SYT2: variants seen among roughly 807,000 people sequenced by gnomAD.
The protein encoded by SYT2 is synaptotagmin-2.
A neutral mutation model predicts 39.9 loss-of-function variants in SYT2; 15 were observed. That is an observed-to-expected ratio of 0.38 (90% confidence interval 0.25 to 0.58). SYT2 has a LOEUF of 0.58. SYT2 is among the 20% of genes least tolerant of loss of function. The pLI is 0.70. For missense variants in SYT2, 389 were observed against 530.3 expected (o/e 0.73, Z 2.62); for synonymous variants, 181 against 204.5 (o/e 0.89, Z 0.98).
chr1:202,663,419 A>G (rs1008217602), intron 1 of SYT2, among the ~76,000 whole-genome samples: 7 of 152,172 alleles, frequency 4.6e-5, no homozygotes, highest in South Asian at 2.1e-4. Flanking sequence ...TACTTCCCCA[A>G]GAAAACTCCA....
chr1:202,621,609 C>G (rs1011690726), intron 1 of SYT2, among the ~76,000 whole-genome samples: 2 of 152,100 alleles, frequency 1.3e-5, no homozygotes, highest in Non-Finnish European at 2.9e-5. Context: ...GCCACTGCGC[C>G]CAGCCAAAAG....
intron 1 of SYT2, among the ~76,000 whole-genome samples, chr1:202,667,904 G>C (rs935174716): frequency 1.3e-4 from 20 of 152,056 alleles, no homozygotes; most frequent in Non-Finnish European, 2.6e-4. Flanking sequence ...GTAGAGACAA[G>C]GTTTCGCCAT....
At chr1:202,659,272 C>A (rs573390376) in intron 1 of SYT2, among the ~76,000 whole-genome samples, 2 of 152,258 alleles carry the variant, frequency 1.3e-5, no homozygotes, top group Non-Finnish European at 2.9e-5. Flanking sequence ...TTTAAGGGAA[C>A]TTTTTAGTCC....
At chr1:202,699,754 T>C (rs1654065464) in intron 1 of SYT2, among the ~76,000 whole-genome samples, 1 of 152,090 alleles carries the variant, frequency 6.6e-6, no homozygotes, top group Non-Finnish European at 1.5e-5. Context: ...GGAGCTTTTT[T>C]ATCCAGTGTA....
At chr1:202,606,129 G>A (rs991091920) in intron 1 of SYT2, among the ~76,000 whole-genome samples, 4 of 152,048 alleles carry the variant, frequency 2.6e-5, no homozygotes, top group African/African-American at 9.7e-5. Context: ...ACATATATGT[G>A]CCAAGCACTG....
intron 1 of SYT2, among the ~76,000 whole-genome samples, chr1:202,629,686 C>A (rs886743243): frequency 6.6e-5 from 10 of 152,146 alleles, no homozygotes; most frequent in Admixed American, 3.3e-4. Context: ...CTGGGCAGCA[C>A]AGTGAAACCC....
chr1:202,658,879 G>A (rs1260266278), intron 1 of SYT2, among the ~76,000 whole-genome samples: 1 of 152,080 alleles, frequency 6.6e-6, no homozygotes, highest in African/African-American at 2.4e-5. Context: ...GGAGTATGAA[G>A]TGGCCGATTT....
In SYT2 at chr1:202,596,424, G is replaced by T; in HGVS notation, c.*333C>A. The T allele has an allele frequency of 8.1e-6, 2 of 248,430 alleles. No homozygotes were observed. The highest frequency in any genetic ancestry group is 2.3e-5 in the African/African-American group (1 of 44,030). 15.4% of individuals were successfully genotyped at this position (248,430 alleles called of 1,614,324 possible). A position where few individuals can be genotyped will look rare whatever the true frequency, so the allele number is the denominator to read the frequency against. The stretch of plus-strand genomic sequence containing the variant: ...CCAGAAGGCTCAAAAAACAGGAACT[G>T]CTGCAAGTTTGTGCCAGTAGAGAGC... On this transcript the variant is annotated 3_prime_UTR_variant, in exon 9 of 9. Transcript: ENST00000367268.
chr1:202,621,552 C>T (rs746385399), intron 1 of SYT2, among the ~76,000 whole-genome samples: 7 of 152,162 alleles, frequency 4.6e-5, no homozygotes, highest in Non-Finnish European at 5.9e-5. Flanking sequence ...GAACTCCTGG[C>T]GATCTTGCTG....
intron 1 of SYT2, among the ~76,000 whole-genome samples, chr1:202,659,638 G>T (rs2149105195): frequency 6.6e-6 from 1 of 152,308 alleles, no homozygotes; most frequent in Middle Eastern, 3.4e-3. Flanking sequence ...GGCACAGCAG[G>T]TGGTGAGCAT....
intron 1 of SYT2, among the ~76,000 whole-genome samples, chr1:202,629,874 G>GT (rs1553338267): frequency 1.5e-5 from 2 of 130,302 alleles, no homozygotes; most frequent in African/African-American, 2.8e-5. Context: ...TGGTGGGGGG[G>GT]GGGGGGTGGT....
At chr1:202,652,212 C>T (rs963434197) in intron 1 of SYT2, among the ~76,000 whole-genome samples, 5 of 152,190 alleles carry the variant, frequency 3.3e-5, no homozygotes, top group Admixed American at 6.5e-5. Context: ...GAACAGCCAT[C>T]GTCCCTTTGC....
chr1:202,593,689 CAG>C lies in SYT2; in HGVS notation c.*3066_*3067del, dbSNP rs1690199455. ...CCCAAAAATCTGCCTGTAGCTCTGG[CAG>C]AGTTAGCATCCCTTCTGGAACAATT... is the stretch of plus-strand genomic sequence containing the variant. On this transcript the variant is annotated 3_prime_UTR_variant, in exon 9 of 9. Coordinates refer to ENST00000367268, the MANE Select transcript of SYT2 (RefSeq NM_177402.5). The C allele has an allele frequency of 6.6e-6, 1 of 152,166 alleles. No individual in the cohort carries two copies. Among genetic ancestry groups the C allele is most frequent in the Non-Finnish European group, 1.5e-5 (1 of 68,058 alleles). 9.4% of individuals were successfully genotyped at this position (152,166 alleles called of 1,614,324 possible). A position where few individuals can be genotyped will look rare whatever the true frequency, so the allele number is the denominator to read the frequency against.
intron 1 of SYT2, among the ~76,000 whole-genome samples, chr1:202,640,784 G>GAC (rs1691892397): frequency 7.8e-6 from 1 of 128,208 alleles, no homozygotes; most frequent in Non-Finnish European, 1.6e-5. Flanking sequence ...GAGAGAGAGA[G>GAC]AGAGAGAGAC....
chr1:202,655,894 G>T (rs1294486973), intron 1 of SYT2, among the ~76,000 whole-genome samples: 1 of 152,172 alleles, frequency 6.6e-6, no homozygotes, highest in Non-Finnish European at 1.5e-5. Flanking sequence ...GTGATCATGC[G>T]CAAGGTGACC....
chr1:202,622,906 C>T lies in SYT2; in HGVS notation c.-17-17117G>A, dbSNP rs184366690. ...GACAACGCAGTCCACAGCCTCTTTT[C>T]GAAAACAAAGAAACTGAGGCCCCAA... On this transcript the variant is annotated intron_variant, in intron 1 of 8. Coordinates refer to ENST00000367268, the MANE Select transcript of SYT2 (RefSeq NM_177402.5). Among the ~76,000 whole-genome samples the T allele has an allele frequency of 4.6e-3, 696 of 152,280 alleles. 3 individuals are homozygous for T. Among genetic ancestry groups the T allele is most frequent in the Non-Finnish European group, 6.0e-3 (406 of 68,018 alleles).
chr1:202,645,898 C>T (rs1313708300), intron 1 of SYT2, among the ~76,000 whole-genome samples: 1 of 152,168 alleles, frequency 6.6e-6, no homozygotes, highest in Non-Finnish European at 1.5e-5. Flanking sequence ...AACCCTTCCC[C>T]TGATAGGGAT....
At chr1:202,616,480 TTGCACACACATACACATA>T (rs1691037515) in intron 1 of SYT2, among the ~76,000 whole-genome samples, 1 of 151,990 alleles carries the variant, frequency 6.6e-6, no homozygotes, top group African/African-American at 2.4e-5. Context: ...GCACACACAC[TTGCACACACATACACATA>T]TGCACACACA....
intron 1 of SYT2, among the ~76,000 whole-genome samples, chr1:202,616,426 A>G (rs1691035134): frequency 6.6e-6 from 1 of 152,060 alleles, no homozygotes; most frequent in Non-Finnish European, 1.5e-5. Context: ...TCACCCACCA[A>G]AAATGAGCCC....
Sources: gnomAD v4.1 joint callset for allele counts (sites outside exome capture counted in the v4.1 genomes callset) on GRCh38, gnomAD v4.1.1 for gene constraint, MANE v1.5 for transcripts, NCBI Gene and HGNC (gene_info 2026-07-23, HGNC 2026-07-21) for gene names.